The following TNRC18 variants were observed in gnomAD, a reference collection of about 807,000 sequenced individuals.
The protein encoded by TNRC18 is trinucleotide repeat containing 18, also known as trinucleotide repeat-containing gene 18 protein.
A neutral mutation model predicts 226.7 loss-of-function variants in TNRC18; 69 were observed. That is an observed-to-expected ratio of 0.30 (90% CI 0.25 to 0.37). TNRC18 has a LOEUF of 0.37. Ranked by LOEUF, TNRC18 falls within the 10% of genes least tolerant of loss-of-function variation. The probability of loss-of-function intolerance (pLI) is 1.00; values close to 1 mark genes in which losing one functional copy is unlikely to be tolerated. For missense variants in TNRC18, 4,754 were observed against 4,256.6 expected (o/e 1.12, Z -3.25); for synonymous variants, 2,449 against 1,927.6 (o/e 1.27, Z -7.09).
chr7:5,376,186 G>A lies in TNRC18; in HGVS notation c.2647C>T (p.Pro883Ser), dbSNP rs750585577. ...MERATVPPLW[P>S]ALYPPGRSPL... is the part of the protein sequence containing the mutation. ...CTGCGGCCCGGCGGGTACAGGGCGG[G>A]CCAGAGGGGCGGTACGGTGGCCCGC... The change falls in exon 9 of 30, where the codon CCC becomes TCC. Residue 883 changes from proline to serine, a missense_variant. Coordinates refer to ENST00000430969, the MANE Select transcript of TNRC18 (RefSeq NM_001080495.3). 3.7e-5 allele frequency: 57 copies of A among 1,552,246 alleles called. No individual in the cohort carries two copies. In the Admixed American group the frequency reaches 1.0e-3, roughly 28 times the overall value.
At chr7:5,397,470 G>T (rs1368691440) in intron 2 of TNRC18, among the ~76,000 whole-genome samples, 1 of 152,206 alleles carries the variant, frequency 6.6e-6, no homozygotes, top group Non-Finnish European at 1.5e-5. Context: ...CTCCTCCCAG[G>T]CTGGGCGGGG....
intron 5 of TNRC18, among the ~76,000 whole-genome samples, chr7:5,381,048 T>C (rs1279078232): frequency 1.3e-5 from 2 of 152,002 alleles, no homozygotes; most frequent in Non-Finnish European, 1.5e-5. Context: ...CGGCTGTCAC[T>C]GTGAATGGTC....
intron 11 of TNRC18, among the ~76,000 whole-genome samples, chr7:5,369,043 T>C (rs902956476): frequency 1.3e-5 from 2 of 152,136 alleles, no homozygotes; most frequent in African/African-American, 4.8e-5. Context: ...CTCAGTTTGA[T>C]GCCCGCAAAA....
intron 17 of TNRC18, among the ~76,000 whole-genome samples, chr7:5,347,894 A>G (rs1308121335): frequency 2.6e-5 from 4 of 152,114 alleles, no homozygotes; most frequent in Non-Finnish European, 4.4e-5. Context: ...GGCGGAGGTT[A>G]CAGTGAGCCG....
At chr7:5,419,057 G>C (rs1734187252) in intron 2 of TNRC18, among the ~76,000 whole-genome samples, 1 of 152,248 alleles carries the variant, frequency 6.6e-6, no homozygotes, top group Non-Finnish European at 1.5e-5. Flanking sequence ...GCGTGCAGAA[G>C]TCAGGCAGCT....
chr7:5,311,018 G>A (rs184499654), intron 27 of TNRC18, among the ~76,000 whole-genome samples: 179 of 152,360 alleles, frequency 1.2e-3, no homozygotes, highest in Middle Eastern at 6.8e-3. Context: ...ATGTGCCTAC[G>A]TTTGTGTACG....
intron 19 of TNRC18, among the ~76,000 whole-genome samples, chr7:5,330,552 T>C (rs912240668): frequency 7.9e-5 from 12 of 151,934 alleles, no homozygotes; most frequent in African/African-American, 2.7e-4. Flanking sequence ...TGCCTGTCCA[T>C]ATGTGAGCCA....
chr7:5,319,666 G>A (rs1310711403), intron 24 of TNRC18, among the ~76,000 whole-genome samples: 5 of 151,968 alleles, frequency 3.3e-5, no homozygotes, highest in South Asian at 4.1e-4. Flanking sequence ...CTGCCACCAC[G>A]CCCGGCTAAT....
chr7:5,340,584 A>C (rs999538985), intron 18 of TNRC18, among the ~76,000 whole-genome samples: 9 of 151,956 alleles, frequency 5.9e-5, no homozygotes, highest in Non-Finnish European at 1.3e-4. Flanking sequence ...TAAAAAAAAA[A>C]ACACAAAAAT....
intron 19 of TNRC18, 117 bp downstream of exon 19, chr7:5,332,505 C>T: frequency 8.4e-7 from 1 of 1,192,370 alleles, no homozygotes. Context: ...GGGCCTGGAG[C>T]CGAGTACATG....
chr7:5,390,536 G>A lies in TNRC18; in HGVS notation c.436C>T (p.Leu146=). The part of the protein sequence containing the change: ...PSSGSPLLSQ[L]GQPSIFDTQK... ...GTATCGAAAATGCTGGGCTGACCCA[G>A]CTGGCTGAGGAGGGGGCTCCCACTG... The change falls in exon 4 of 30, where the codon CTG becomes TTG. Residue 146 remains leucine (L), a synonymous_variant. Coordinates refer to ENST00000430969, the MANE Select transcript of TNRC18 (RefSeq NM_001080495.3). 1.9e-6 allele frequency: 3 copies of A among 1,613,708 alleles called. No individual in the cohort carries two copies. The highest frequency in any genetic ancestry group is 1.3e-5 in the African/African-American group (1 of 75,012).
At chr7:5,423,277 C>T (rs1020913149) in intron 1 of TNRC18, among the ~76,000 whole-genome samples, 164 bp downstream of exon 1, 26 of 152,212 alleles carry the variant, frequency 1.7e-4, no homozygotes, top group South Asian at 1.4e-3. Flanking sequence ...CCGGGGCGCC[C>T]CCTCCCCGCC....
chr7:5,387,723 C>T lies in TNRC18; in HGVS notation c.2101G>A (p.Gly701Arg). Residue 701 changes from glycine (G) to arginine (R), a missense_variant, in exon 5 of 30, where the codon GGG (glycine) becomes AGG (arginine). Physicochemically the swap from Gly to Arg is moderately radical, Grantham distance 125 (BLOSUM62 -2). Transcript: ENST00000430969. ...CGCTCCTGGTCTACCAGCCCAGGCC[C>T]CAGCCGGCCACTGCCGCCACTGTCC... ...QKDSGGSGRL[G>R]PGLVDQERSL... 1 of 1,606,308 alleles carries T rather than the reference C, an allele frequency of 6.2e-7. No homozygotes were observed. Among genetic ancestry groups the T allele is most frequent in the Non-Finnish European group, 8.5e-7 (1 of 1,179,840 alleles).
At chr7:5,406,287 A>G (rs1169216602) in intron 2 of TNRC18, among the ~76,000 whole-genome samples, 1 of 151,820 alleles carries the variant, frequency 6.6e-6, no homozygotes, top group Non-Finnish European at 1.5e-5. Flanking sequence ...ACATGGTGAA[A>G]TCCCATCTCT....
chr7:5,362,423 G>A (rs903301952), intron 12 of TNRC18, among the ~76,000 whole-genome samples: 1 of 152,108 alleles, frequency 6.6e-6, no homozygotes, highest in Non-Finnish European at 1.5e-5. Context: ...ATCACACCGC[G>A]ACCTGTGTGA....
In TNRC18 at chr7:5,388,050, T is replaced by C; in HGVS notation, c.1774A>G (p.Ser592Gly). ...ASAMQSLIKY[S>G]GSFARDAVAV... ...ACGGCGTCCCGGGCAAAGCTGCCAC[T>C]GTACTTTATAAGGCTCTGCATGGCC... Residue 592 changes from serine (S) to glycine (G), a missense_variant, in exon 5 of 30, where the codon AGT becomes GGT. Physicochemically the swap from Ser to Gly is moderately conservative, Grantham distance 56 (BLOSUM62 0). Transcript: ENST00000430969. 1.9e-6 allele frequency: 3 copies of C among 1,561,892 alleles called. No individual in the cohort carries two copies. The highest frequency in any genetic ancestry group is 2.6e-6 in the Non-Finnish European group (3 of 1,153,838).
chr7:5,345,191 G>A (rs536558750), intron 18 of TNRC18, among the ~76,000 whole-genome samples: 4 of 152,148 alleles, frequency 2.6e-5, no homozygotes, highest in Non-Finnish European at 5.9e-5. Flanking sequence ...GTAACCCCAC[G>A]TCTCTCTCAC....
chr7:5,332,718 G>A lies in TNRC18; in HGVS notation c.6051C>T (p.Thr2017=), dbSNP rs747794497. The A allele has an allele frequency of 4.6e-6, 7 of 1,525,756 alleles. No individual in the cohort carries two copies. The highest frequency in any genetic ancestry group is 2.3e-4 in the Middle Eastern group (1 of 4,416). 94.5% of individuals were successfully genotyped at this position (1,525,756 alleles called of 1,614,324 possible). A position where few individuals can be genotyped will look rare whatever the true frequency, so the allele number is the denominator to read the frequency against. The part of the protein sequence containing the change: ...ASAAAPAPVS[T]APATKTSRCA... ...AGCGGCTGGTCTTGGTGGCGGGCGC[G>A]GTGCTGACGGGCGCAGGTGCAGCAG... Residue 2017 remains threonine (T), a synonymous_variant, in exon 19 of 30, where the codon ACC becomes ACT. Transcript: ENST00000430969.
At chr7:5,343,664 C>T (rs1231420142) in intron 18 of TNRC18, among the ~76,000 whole-genome samples, 1 of 152,174 alleles carries the variant, frequency 6.6e-6, no homozygotes, top group Non-Finnish European at 1.5e-5. Context: ...TGAGCTCAAC[C>T]AATCCTCCTG....
Sources: allele counts gnomAD v4.1 joint callset (sites outside exome capture counted in the v4.1 genomes callset), GRCh38; gene constraint gnomAD v4.1.1; transcripts MANE v1.5; gene names NCBI Gene and HGNC (gene_info 2026-07-23, HGNC 2026-07-21).